The following SMG9 variants were observed in gnomAD, a reference collection of about 807,000 sequenced individuals.
SMG9 encodes the protein SMG9 nonsense mediated mRNA decay factor, also known as nonsense-mediated mRNA decay factor SMG9.
A neutral mutation model predicts 64.0 loss-of-function variants in SMG9; 55 were observed. The observed-to-expected ratio is 0.86, with a 90% confidence interval of 0.69 to 1.08. SMG9 has a LOEUF of 1.08. Ranked by LOEUF, SMG9 falls within the 50% of genes least tolerant of loss-of-function variation. The pLI is 0.00. For missense variants in SMG9, 554 were observed against 681.3 expected, an observed-to-expected ratio of 0.81 and a Z score of 2.08; for synonymous variants, 244 against 254.8, an observed-to-expected ratio of 0.96 and a Z score of 0.41.
At chr19:43,741,918 TGG>T in intron 6 of SMG9, among the ~76,000 whole-genome samples, 1 of 151,726 alleles carries the variant, frequency 6.6e-6, no homozygotes, top group East Asian at 1.9e-4. Context: ...GAGGCCAAGG[TGG>T]GAGGATCACT....
chr19:43,734,102 C>T (rs1968573424), intron 10 of SMG9: 1 of 535,340 alleles, frequency 1.9e-6, no homozygotes, highest in Non-Finnish European at 3.3e-6. Context: ...ATACTCACTT[C>T]CTGAGTTGGG....
chr19:43,741,184 G>A (rs1162196600), intron 6 of SMG9, among the ~76,000 whole-genome samples: 1 of 152,218 alleles, frequency 6.6e-6, no homozygotes, highest in Admixed American at 6.5e-5. Context: ...GAAAGAAGAG[G>A]CGTGCAGTGC....
intron 1 of SMG9, among the ~76,000 whole-genome samples, chr19:43,753,911 G>C (rs1356633078): frequency 7.5e-6 from 1 of 133,794 alleles, no homozygotes; most frequent in Non-Finnish European, 1.5e-5. Flanking sequence ...CGAGACTCTT[G>C]TCTCAAAGAA....
chr19:43,733,024 G>A lies in SMG9; in HGVS notation c.1340-22C>T, dbSNP rs369229684. The A allele has an allele frequency of 1.3e-5, 21 of 1,592,938 alleles. No individual in the cohort carries two copies. The African/African-American group carries it at 2.3e-4, about 17-fold the overall frequency. The stretch of plus-strand genomic sequence containing the variant: ...GGTCCTGGAAAGTTGGGGCAGGGAG[G>A]GTAAGAGGGATAGACTGCCAGGGTC... On this transcript the variant is annotated intron_variant, in intron 12 of 13. Coordinates refer to ENST00000270066, the MANE Select transcript of SMG9 (RefSeq NM_019108.4).
intron 1 of SMG9, chr19:43,754,444 A>G (rs900567952): frequency 3.3e-5 from 5 of 152,214 alleles, no homozygotes; most frequent in South Asian, 2.1e-4. Context: ...CTCGCAGAGC[A>G]TAAGTTTCTC....
intron 9 of SMG9, among the ~76,000 whole-genome samples, chr19:43,737,295 T>TAAAA (rs1180914687): frequency 2.7e-5 from 4 of 150,318 alleles, no homozygotes; most frequent in Admixed American, 2.7e-4. Context: ...AATAAATAAA[T>TAAAA]AAAAATAAAG....
At chr19:43,734,763 C>A (rs1417814883) in intron 9 of SMG9, 6 of 336,514 alleles carry the variant, frequency 1.8e-5, no homozygotes, top group Non-Finnish European at 2.7e-5. Flanking sequence ...AGGTTCACAG[C>A]AAAACTGAGC....
intron 12 of SMG9, 34 bp from the exon 13 acceptor site, chr19:43,733,036 A>G (rs1176092264): frequency 1.3e-6 from 2 of 1,576,252 alleles, no homozygotes; most frequent in Non-Finnish European, 1.7e-6. Flanking sequence ...TAAGAGGGAT[A>G]GACTGCCAGG....
rs191841427 is a variant in SMG9, at chr19:43,740,312, G to A, written c.702-94C>T. 5.6e-5 allele frequency: 50 copies of A among 900,790 alleles called. No homozygotes were observed. The East Asian group carries it at 7.5e-4, about 14-fold the overall frequency. The allele number at this position is 900,790 out of a possible 1,614,324, so 55.8% of individuals were successfully genotyped here. A position where few individuals can be genotyped will look rare whatever the true frequency, so the allele number is the denominator to read the frequency against. On this transcript the variant is annotated intron_variant, in intron 6 of 13. Coordinates refer to ENST00000270066, the MANE Select transcript of SMG9 (RefSeq NM_019108.4). ...ACCCTGTGAGCTGAGCATGTGAGCC[G>A]TGGTGCCCTGCCTGCTCCCTAAGCT...
Position 43,728,832 on chromosome 19 carries a change from G to A in SMG9, c.*2764C>T, listed in dbSNP as rs567694420. Reference sequence around the variant, plus strand: ...AGCGGTGCTCATGTTTCCTGCAGTGGAGGGTGAGAAGGATACCAATGTATT... The same window carrying A: ...AGCGGTGCTCATGTTTCCTGCAGTGAAGGGTGAGAAGGATACCAATGTATT... On this transcript the variant is annotated 3_prime_UTR_variant, in exon 14 of 14. Transcript: ENST00000270066. 62 of 225,980 alleles carry A rather than the reference G, an allele frequency of 2.7e-4. No homozygotes were observed. The highest frequency in any genetic ancestry group is 4.4e-4 in the Non-Finnish European group (60 of 135,684). 14.0% of individuals were successfully genotyped at this position (225,980 alleles called of 1,614,324 possible).
At chr19:43,732,591 C>T (rs1968517413) in intron 13 of SMG9, 4 of 478,456 alleles carry the variant, frequency 8.4e-6, no homozygotes, top group South Asian at 4.4e-5. Context: ...CACTTTTCCC[C>T]GAGCCTAAAT....
Position 43,734,400 on chromosome 19 carries a change from T to A in SMG9, c.1091A>T (p.Tyr364Phe). Residue 364 changes from tyrosine to phenylalanine, a missense_variant, in exon 10 of 14, where the codon TAC (tyrosine) becomes TTC (phenylalanine). By Grantham distance (22) the Tyr-to-Phe change is conservative. Coordinates refer to ENST00000270066, the MANE Select transcript of SMG9 (RefSeq NM_019108.4). ...SSGSDEGTEY[Y>F]PHLVFLQNKA... The stretch of plus-strand genomic sequence containing the variant: ...AGAAAGCCTCTCACCTAGGTGGGGG[T>A]AGTACTCGGTGCCTTCATCGGAGCC... 6.4e-7 allele frequency: 1 copy of A among 1,553,886 alleles called. No homozygotes were observed. The highest frequency in any genetic ancestry group is 8.7e-7 in the Non-Finnish European group (1 of 1,148,114).
At position 43,740,194 on chromosome 19, in the gene SMG9, G is replaced by A. The variant is rs533008129; in HGVS notation, c.726C>T (p.Ser242=). 4.1e-4 allele frequency: 654 copies of A among 1,613,920 alleles called. 6 individuals carry two copies. The South Asian group carries it at 6.3e-3, about 16-fold the overall frequency. The stretch of plus-strand genomic sequence containing the variant: ...TGCCCCCTCGTTCCTTCATTTCAGC[G>A]CTCTGGGCCCGGAAAACATAAGTCC... ...DQRTYVFRAQ[S]AEMKERGGNQ... The change falls in exon 7 of 14, where the codon AGC becomes AGT. Residue 242 remains serine (S), a synonymous_variant. Coordinates refer to ENST00000270066, the MANE Select transcript of SMG9 (RefSeq NM_019108.4).
intron 1 of SMG9, among the ~76,000 whole-genome samples, chr19:43,752,902 T>TAA (rs775445159): frequency 0.039 from 3,755 of 96,248 alleles, 296 homozygotes; most frequent in African/African-American, 0.057. Context: ...AGACCCTGTC[T>TAA]AAAAAAAAAA....
At position 43,731,129 on chromosome 19, in the gene SMG9, G is replaced by T. The variant is rs1467319784; in HGVS notation, c.*467C>A. 7 of 988,348 alleles carry T rather than the reference G, an allele frequency of 7.1e-6. No homozygotes were observed. Among genetic ancestry groups the T allele is most frequent in the Non-Finnish European group, 8.4e-6 (7 of 832,006 alleles). 61.2% of individuals were successfully genotyped at this position (988,348 alleles called of 1,614,324 possible). A position where few individuals can be genotyped will look rare whatever the true frequency, so the allele number is the denominator to read the frequency against. ...TCCCAGAGCTGCATGGTGGGTAGAG[G>T]AGTAAGTGGAACATAAGAACAGGCT... On this transcript the variant is annotated 3_prime_UTR_variant, in exon 14 of 14. Coordinates refer to ENST00000270066, the MANE Select transcript of SMG9 (RefSeq NM_019108.4).
chr19:43,741,187 T>G (rs941994306), intron 6 of SMG9, among the ~76,000 whole-genome samples: 2 of 152,186 alleles, frequency 1.3e-5, no homozygotes, highest in African/African-American at 4.8e-5. Flanking sequence ...AGAAGAGGCG[T>G]GCAGTGCTCC....
rs776689223 is a variant in SMG9 at position 43,733,651 on chromosome 19, C to A, written c.1185G>T (p.Met395Ile). 1.9e-6 allele frequency: 3 copies of A among 1,614,038 alleles called. No homozygotes were observed. In the South Asian group the frequency reaches 3.3e-5, roughly 18 times the overall value. The change falls in exon 11 of 14, where the codon ATG becomes ATT. Residue 395 changes from methionine (M) to isoleucine (I), a missense_variant. Transcript: ENST00000270066. ...CCTTGTAACGCAGGTGGGAGTGGGC[C>A]ATGAGCTGGTCAATCATCAGGTGCA... The part of the protein sequence containing the change: ...RQMHLMIDQL[M>I]AHSHLRYKGT...
chr19:43,732,676 C>G (rs1968521297), intron 13 of SMG9, 182 bp downstream of exon 13: 2 of 685,132 alleles, frequency 2.9e-6, no homozygotes. Context: ...TCACAGGAAA[C>G]AGCATGTTGC....
intron 7 of SMG9, chr19:43,739,716 C>T (rs930486430): frequency 1.5e-5 from 3 of 203,048 alleles, no homozygotes; most frequent in African/African-American, 4.7e-5. Context: ...GATTGTTCCA[C>T]TGAATCCTTG....
Sources: gnomAD v4.1 joint callset for allele counts (sites outside exome capture counted in the v4.1 genomes callset) on GRCh38, gnomAD v4.1.1 for gene constraint, MANE v1.5 for transcripts, NCBI Gene and HGNC (gene_info 2026-07-23, HGNC 2026-07-21) for gene names.